Variants in MDFIC2 observed in about 807,000 individuals in gnomAD.
MDFIC2 encodes the protein MyoD family inhibitor domain containing 2.
intron 2 of MDFIC2, among the ~76,000 whole-genome samples, chr3:70,208,864 T>A (rs1465937717): frequency 5.9e-5 from 9 of 152,120 alleles, no homozygotes; most frequent in African/African-American, 2.2e-4. Context: ...CTTCCTTTTA[T>A]GTGCTGGCTT....
intron 2 of MDFIC2, among the ~76,000 whole-genome samples, chr3:70,233,505 A>G (rs1701580557): frequency 1.3e-5 from 2 of 152,336 alleles, no homozygotes; most frequent in South Asian, 2.1e-4. Flanking sequence ...TATATTACAT[A>G]CAATAATTGA....
chr3:70,301,555 T>A (rs1410370455), intron 2 of MDFIC2, among the ~76,000 whole-genome samples: 1 of 152,126 alleles, frequency 6.6e-6, no homozygotes, highest in Non-Finnish European at 1.5e-5. Flanking sequence ...TTTGTTGATT[T>A]CATTTACTTA....
chr3:70,230,695 G>A (rs1701550701), intron 2 of MDFIC2, among the ~76,000 whole-genome samples: 1 of 152,130 alleles, frequency 6.6e-6, no homozygotes, highest in Non-Finnish European at 1.5e-5. Flanking sequence ...GGTTTCTTTG[G>A]TGGATTCCTC....
At position 70,212,083 on chromosome 3, in the gene MDFIC2, C is replaced by T. The variant is rs1033978132; in HGVS notation, c.89-5293G>A. ...AGGCCGTATTTGTCCACACTCACATCGTCATTGATTTCTTTGTGAAGTTGG... is the reference window on the plus strand; with the variant it reads ...AGGCCGTATTTGTCCACACTCACATTGTCATTGATTTCTTTGTGAAGTTGG... On this transcript the variant is annotated intron_variant, in intron 2 of 3. Coordinates refer to ENST00000567252, the MANE Select transcript of MDFIC2 (RefSeq NM_001364677.1). Among the ~76,000 whole-genome samples the T allele has an allele frequency of 2.6e-5, 4 of 152,040 alleles. No individual in the cohort carries two copies. The South Asian group carries it at 6.2e-4, about 24-fold the overall frequency.
chr3:70,268,357 C>T (rs1466605782), intron 2 of MDFIC2, among the ~76,000 whole-genome samples: 1 of 151,292 alleles, frequency 6.6e-6, no homozygotes, highest in Non-Finnish European at 1.5e-5. Flanking sequence ...CACCTGTAGT[C>T]GTAGCTACTT....
chr3:70,258,512 A>G (rs1457492277), intron 2 of MDFIC2, among the ~76,000 whole-genome samples: 2 of 152,194 alleles, frequency 1.3e-5, no homozygotes, highest in African/African-American at 4.8e-5. Context: ...TAGACTATCC[A>G]GTCACATGAG....
At chr3:70,219,147 C>G (rs1457787864) in intron 2 of MDFIC2, among the ~76,000 whole-genome samples, 3 of 152,184 alleles carry the variant, frequency 2.0e-5, no homozygotes, top group Non-Finnish European at 2.9e-5. Flanking sequence ...GAAACAGCCT[C>G]TCCTAGCTTT....
intron 2 of MDFIC2, among the ~76,000 whole-genome samples, chr3:70,225,221 G>T (rs1701492241): frequency 6.6e-6 from 1 of 152,134 alleles, no homozygotes; most frequent in Non-Finnish European, 1.5e-5. Context: ...TAAGAGAAAT[G>T]TATAATACTG....
chr3:70,209,855 G>T (rs1389933515), intron 2 of MDFIC2, among the ~76,000 whole-genome samples: 2 of 152,012 alleles, frequency 1.3e-5, no homozygotes, highest in Non-Finnish European at 2.9e-5. Context: ...AGCAGTCTTT[G>T]CAAAGCAAAA....
intron 2 of MDFIC2, among the ~76,000 whole-genome samples, chr3:70,281,486 T>C (rs1208949907): frequency 1.3e-5 from 2 of 152,214 alleles, no homozygotes; most frequent in Non-Finnish European, 2.9e-5. Flanking sequence ...TTCTCTGACA[T>C]GCATTTTCCT....
chr3:70,228,616 A>G (rs1701530477), intron 2 of MDFIC2, among the ~76,000 whole-genome samples: 2 of 149,374 alleles, frequency 1.3e-5, no homozygotes, highest in South Asian at 2.1e-4. Flanking sequence ...CTGATGAAAC[A>G]TTTAAGTTTT....
intron 2 of MDFIC2, among the ~76,000 whole-genome samples, chr3:70,295,061 C>T (rs760067449): frequency 6.6e-6 from 1 of 152,112 alleles, no homozygotes; most frequent in Non-Finnish European, 1.5e-5. Context: ...TGATCTGTTG[C>T]CTAAAATTAT....
intron 2 of MDFIC2, among the ~76,000 whole-genome samples, chr3:70,227,350 A>C (rs1701517323): frequency 6.6e-6 from 1 of 152,186 alleles, no homozygotes; most frequent in South Asian, 2.1e-4. Context: ...TGTTTTTTCC[A>C]TACCACTTCT....
chr3:70,210,623 C>G (rs1477987706), intron 2 of MDFIC2, among the ~76,000 whole-genome samples: 2 of 152,072 alleles, frequency 1.3e-5, no homozygotes, highest in Admixed American at 1.3e-4. Flanking sequence ...GTCATATCTT[C>G]TGTAGAGAAA....
At chr3:70,289,758 T>G (rs1027485686) in intron 2 of MDFIC2, among the ~76,000 whole-genome samples, 3 of 152,186 alleles carry the variant, frequency 2.0e-5, no homozygotes, top group African/African-American at 4.8e-5. Flanking sequence ...TTTGCTCGTT[T>G]CTTTTTATTC....
rs998666327 is a variant in MDFIC2, at chr3:70,196,608, C to T, written c.*318G>A. Among the ~76,000 whole-genome samples the T allele has an allele frequency of 6.6e-6, 1 of 152,138 alleles. No individual in the cohort carries two copies. Among genetic ancestry groups the T allele is most frequent in the Non-Finnish European group, 1.5e-5 (1 of 68,008 alleles). Reference sequence around the variant, plus strand: ...AATCCATAATGCAAGCTGATGAGTGCAATAACGCAGTGGCTTAACATGCTA... The same window carrying T: ...AATCCATAATGCAAGCTGATGAGTGTAATAACGCAGTGGCTTAACATGCTA... On this transcript the variant is annotated 3_prime_UTR_variant, in exon 4 of 4. Coordinates refer to ENST00000567252, the MANE Select transcript of MDFIC2 (RefSeq NM_001364677.1).
chr3:70,258,903 A>G (rs1701841504), intron 2 of MDFIC2, among the ~76,000 whole-genome samples: 1 of 152,074 alleles, frequency 6.6e-6, no homozygotes, highest in African/African-American at 2.4e-5. Flanking sequence ...TTTTTCTTCA[A>G]TTTCTTTAAT....
rs181086679 is a variant in MDFIC2 at position 70,281,407 on chromosome 3, G to A, written c.88+30479C>T. Among the ~76,000 whole-genome samples the A allele has an allele frequency of 9.1e-4, 138 of 152,166 alleles. 1 individual carries two copies. The highest frequency in any genetic ancestry group is 6.2e-4 in the Non-Finnish European group (42 of 67,998). On this transcript the variant is annotated intron_variant, in intron 2 of 3. Transcript: ENST00000567252. ...ATCATAAGCTTCAGAATTAAACCCC[G>A]TTTTCTAGAATTCTGTCTTTACCAT...
At chr3:70,261,087 C>T (rs1281304983) in intron 2 of MDFIC2, among the ~76,000 whole-genome samples, 1 of 152,120 alleles carries the variant, frequency 6.6e-6, no homozygotes, top group African/African-American at 2.4e-5. Flanking sequence ...ATTTAAAGTT[C>T]AATTCCATTA....
Sources: gnomAD v4.1 joint callset for allele counts (sites outside exome capture counted in the v4.1 genomes callset) on GRCh38, gnomAD v4.1.1 for gene constraint, MANE v1.5 for transcripts, NCBI Gene and HGNC (gene_info 2026-07-23, HGNC 2026-07-21) for gene names.